Variants in INSR observed in about 807,000 individuals in gnomAD.
INSR encodes the protein IR.
Under a neutral mutation model 142.6 loss-of-function variants are expected in INSR, and 67 were observed. The ratio of observed to expected loss-of-function variants is 0.47; its 90% CI spans 0.39 to 0.58. INSR has a LOEUF of 0.58. Ranked by LOEUF, INSR falls within the 20% of genes least tolerant of loss-of-function variation. The probability of loss-of-function intolerance (pLI) is 0.00; values close to 1 mark genes in which losing one functional copy is unlikely to be tolerated. For synonymous variants in INSR, 756 were observed against 743.1 expected, an observed-to-expected ratio of 1.02 and a Z score of -0.28; for missense variants, 1,248 against 1,833.2, an observed-to-expected ratio of 0.68 and a Z score of 5.83.
Position 7,150,874 on chromosome 19 carries a change from T to TTC in INSR, c.2232-344_2232-343dup, listed in dbSNP as rs1053472815. 1.3e-5 allele frequency among the ~76,000 whole-genome samples: 2 copies of TTC among 151,992 alleles called. No individual in the cohort carries two copies. The highest frequency in any genetic ancestry group is 4.8e-5 in the African/African-American group (2 of 41,424). ...TTCTTTTCTTTCCCTTCTTTCTTCT[T>TTC]TCTCTCTCTCTTTCTGGTTTCTTTC... On this transcript the variant is annotated intron_variant, in intron 10 of 21. Transcript: ENST00000302850. The surrounding 1 kb of genome is among the most constrained non-coding windows in gnomAD (Gnocchi z 4.2).
chr19:7,195,528 G>A (rs11085216), intron 2 of INSR, among the ~76,000 whole-genome samples: 112,951 of 151,860 alleles, frequency 0.74, 42,240 homozygotes, highest in African/African-American at 0.8. Context: ...CTGTAATCCC[G>A]GCTACTTGGG....
In INSR at chr19:7,192,668, G is replaced by A. The variant is rs1002983197; in HGVS notation, c.653-8031C>T. ...TCCCTCACACCTGCACACAAGTGCT[G>A]CTGTGTATGTAGGGAACATCTACCC... On this transcript the variant is annotated intron_variant, in intron 2 of 21. Transcript: ENST00000302850. This position sits in a 1 kb window ranked among gnomAD's most constrained non-coding sequence, Gnocchi z 4.2. 6.6e-6 allele frequency among the ~76,000 whole-genome samples: 1 copy of A among 152,182 alleles called. No individual in the cohort carries two copies. Among genetic ancestry groups the A allele is most frequent in the African/African-American group, 2.4e-5 (1 of 41,448 alleles).
At chr19:7,230,319 TC>T (rs1227708936) in intron 2 of INSR, among the ~76,000 whole-genome samples, 1 of 152,080 alleles carries the variant, frequency 6.6e-6, no homozygotes, top group Non-Finnish European at 1.5e-5. Flanking sequence ...GGCTGTGAGC[TC>T]AGAGCAAAGC....
chr19:7,153,284 CCA>C (rs1370270932), intron 9 of INSR, among the ~76,000 whole-genome samples: 13 of 141,804 alleles, frequency 9.2e-5, no homozygotes, highest in Non-Finnish European at 1.8e-4. Flanking sequence ...ACACACCACA[CCA>C]CACACCGCAC....
chr19:7,176,372 G>A (rs114771494), intron 3 of INSR, among the ~76,000 whole-genome samples: 2,654 of 152,284 alleles, frequency 0.017, 68 homozygotes, highest in African/African-American at 0.057. Flanking sequence ...AGGCCAAGGC[G>A]AGCGGATCAC....
At chr19:7,233,215 G>C (rs186826022) in intron 2 of INSR, among the ~76,000 whole-genome samples, 1 of 151,922 alleles carries the variant, frequency 6.6e-6, no homozygotes, top group African/African-American at 2.4e-5. Context: ...GCTGGTCTTG[G>C]ACTCCTGACC....
At chr19:7,264,973 TC>T (rs1967675919) in intron 2 of INSR, among the ~76,000 whole-genome samples, 1 of 152,158 alleles carries the variant, frequency 6.6e-6, no homozygotes. Flanking sequence ...ATTTAAGGAC[TC>T]ACTCACTCTG....
intron 14 of INSR, among the ~76,000 whole-genome samples, chr19:7,130,181 TA>T (rs1358413239): frequency 1.3e-5 from 2 of 152,144 alleles, no homozygotes; most frequent in Non-Finnish European, 2.9e-5. Flanking sequence ...GATTGCCAGA[TA>T]AAGAAAATGT....
intron 1 of INSR, among the ~76,000 whole-genome samples, chr19:7,272,652 A>G (rs1967959428): frequency 1.3e-5 from 2 of 152,074 alleles, no homozygotes; most frequent in South Asian, 4.1e-4. Context: ...AAACCCCACG[A>G]AACAAAAACA....
chr19:7,119,333 C>A lies in INSR; in HGVS notation c.3794+116G>T. The A allele has an allele frequency of 8.5e-7, 1 of 1,182,510 alleles. No homozygotes were observed. Among genetic ancestry groups the A allele is most frequent in the South Asian group, 1.2e-5 (1 of 81,492 alleles). 73.3% of individuals were successfully genotyped at this position (1,182,510 alleles called of 1,614,324 possible). On this transcript the variant is annotated intron_variant, in intron 21 of 21. Transcript: ENST00000302850. This position sits in a 1 kb window ranked among gnomAD's most constrained non-coding sequence, Gnocchi z 5.2. ...CAAACACAAACACACCTGTAACATA[C>A]AGCATGCAAACACGGTGAGCGTGTA...
Position 7,116,862 on chromosome 19 carries a change from T to C in INSR, c.*194A>G. 2 of 597,222 alleles carry C rather than the reference T, an allele frequency of 3.3e-6. No individual in the cohort carries two copies. Among genetic ancestry groups the C allele is most frequent in the South Asian group, 4.1e-5 (2 of 48,646 alleles). The allele number at this position is 597,222 out of a possible 1,614,324, so 37.0% of individuals were successfully genotyped here. A position where few individuals can be genotyped will look rare whatever the true frequency, so the allele number is the denominator to read the frequency against. On this transcript the variant is annotated 3_prime_UTR_variant, in exon 22 of 22. Coordinates refer to ENST00000302850, the MANE Select transcript of INSR (RefSeq NM_000208.4). ...AACCCCTTGCCCTCCAGGTTCACAG[T>C]TAAATCCTCTGCAGGACTAGTTAAA...
chr19:7,199,560 C>CT (rs3084138), intron 2 of INSR, among the ~76,000 whole-genome samples: 5,449 of 78,510 alleles, frequency 0.069, 607 homozygotes, highest in African/African-American at 0.17. Flanking sequence ...ACTGCGACAG[C>CT]TTTTTTTTTT....
rs1477239899 is a variant in INSR, at chr19:7,122,790, G to C, written c.3370-17C>G. ...AGGATTATTCTAAAACAGAAACACG[G>C]GGTTGGTGTTTCAGCAGCACTGGGA... On this transcript the variant is annotated splice_polypyrimidine_tract_variant and intron_variant, in intron 18 of 21. Coordinates refer to ENST00000302850, the MANE Select transcript of INSR (RefSeq NM_000208.4). The C allele has an allele frequency of 5.0e-6, 8 of 1,614,074 alleles. No individual in the cohort carries two copies. Among genetic ancestry groups the C allele is most frequent in the Non-Finnish European group, 6.8e-6 (8 of 1,179,940 alleles).
At chr19:7,151,079 T>C (rs1464634371) in intron 10 of INSR, among the ~76,000 whole-genome samples, 1 of 150,502 alleles carries the variant, frequency 6.6e-6, no homozygotes, top group African/African-American at 2.4e-5. Flanking sequence ...TTTTCCTTTT[T>C]TCCTTCCTTC....
Position 7,192,317 on chromosome 19 carries a change from AC to A in INSR, c.653-7681del, listed in dbSNP as rs1281553049. 1.3e-5 allele frequency among the ~76,000 whole-genome samples: 2 copies of A among 149,516 alleles called. No homozygotes were observed. Among genetic ancestry groups the A allele is most frequent in the Non-Finnish European group, 3.0e-5 (2 of 66,898 alleles). ...GAAAAGAAAAGAAAAGAAAAAAATC[AC>A]AGGCAGCCCAGGCTGGGGAAAGGGC... On this transcript the variant is annotated intron_variant, in intron 2 of 21. Transcript: ENST00000302850. This position sits in a 1 kb window ranked among gnomAD's most constrained non-coding sequence, Gnocchi z 4.2.
intron 1 of INSR, among the ~76,000 whole-genome samples, chr19:7,290,765 C>CA (rs747690908): frequency 0.2 from 21,629 of 105,900 alleles, 2,079 homozygotes; most frequent in African/African-American, 0.33. Flanking sequence ...CACCCTGTCT[C>CA]AAAAAAAAAA....
chr19:7,152,686 A>G, intron 10 of INSR, 40 bp downstream of exon 10: 1 of 1,543,120 alleles, frequency 6.5e-7, no homozygotes, highest in South Asian at 1.1e-5. Context: ...ACACCAAGCC[A>G]ATTGGCACCC....
At chr19:7,169,088 T>C (rs1973953649) in intron 6 of INSR, among the ~76,000 whole-genome samples, 1 of 152,186 alleles carries the variant, frequency 6.6e-6, no homozygotes, top group African/African-American at 2.4e-5. Flanking sequence ...CCCCCACCTA[T>C]GACTGAGCTT....
At chr19:7,153,772 T>C (rs537372320) in intron 9 of INSR, among the ~76,000 whole-genome samples, 1 of 152,132 alleles carries the variant, frequency 6.6e-6, no homozygotes, top group African/African-American at 2.4e-5. Flanking sequence ...TCCTGGCACT[T>C]TCGGAGGCCG....
Sources: allele counts gnomAD v4.1 joint callset (sites outside exome capture counted in the v4.1 genomes callset), GRCh38; gene constraint gnomAD v4.1.1; non-coding constraint Gnocchi (gnomAD v3.1); transcripts MANE v1.5; gene names NCBI Gene and HGNC (gene_info 2026-07-23, HGNC 2026-07-21).